The following ECEL1 variants were observed in gnomAD, a reference collection of about 807,000 sequenced individuals.
ECEL1 encodes the protein endothelin-converting enzyme-like 1.
Under a neutral mutation model 101.8 loss-of-function variants are expected in ECEL1, and 87 were observed. That is an observed-to-expected ratio of 0.85 (90% CI 0.72 to 1.02). ECEL1 has a LOEUF of 1.02. Ranked by LOEUF, ECEL1 falls within the 50% of genes least tolerant of loss-of-function variation. The pLI, the probability that ECEL1 is intolerant of heterozygous loss-of-function variation, is 0.00. For missense variants in ECEL1, 1,032 were observed against 1,079.2 expected (o/e 0.96, Z 0.61); for synonymous variants, 487 against 468.7 (o/e 1.04, Z -0.50).
chr2:232,482,781 T>C, intron 10 of ECEL1, 70 bp downstream of exon 10: 1 of 1,580,950 alleles, frequency 6.3e-7, no homozygotes, highest in Non-Finnish European at 8.7e-7. Flanking sequence ...TGTGAGACGA[T>C]TTGCCCTACC....
rs1467200971 is a variant in ECEL1 at position 232,485,949 on chromosome 2, C to T, written c.705G>A (p.Ala235=). 10 of 1,588,470 alleles carry T rather than the reference C, an allele frequency of 6.3e-6. No individual in the cohort carries two copies. Among genetic ancestry groups the T allele is most frequent in the Non-Finnish European group, 8.5e-6 (10 of 1,169,698 alleles). ...RWDLNRLLYK[A]QGVYSAAALF... Reference sequence around the variant, plus strand: ...GCGCGGCGGCGCTGTACACGCCCTGCGCCTTGTACAGCAGCCGGTTGAGGT... The same window carrying T: ...GCGCGGCGGCGCTGTACACGCCCTGTGCCTTGTACAGCAGCCGGTTGAGGT... Residue 235 remains alanine, a synonymous_variant, in exon 2 of 18, where the codon GCG becomes GCA. Coordinates refer to ENST00000304546, the MANE Select transcript of ECEL1 (RefSeq NM_004826.4).
intron 15 of ECEL1, 130 bp from the exon 16 acceptor site, chr2:232,480,943 T>C (rs1690561581): frequency 7.5e-7 from 1 of 1,338,162 alleles, no homozygotes. Context: ...CCTCTTCCAG[T>C]GGACCGTGGC....
chr2:232,483,901 G>T, intron 7 of ECEL1, 100 bp downstream of exon 7: 1 of 1,321,340 alleles, frequency 7.6e-7, no homozygotes, highest in Non-Finnish European at 1.0e-6. Flanking sequence ...CCCCCTGCCT[G>T]CAGGGGACAT....
intron 2 of ECEL1, 83 bp from the exon 3 acceptor site, chr2:232,485,350 G>A (rs1690693650): frequency 6.7e-7 from 1 of 1,482,320 alleles, no homozygotes; most frequent in Admixed American, 1.9e-5. Flanking sequence ...CCAATGCCCA[G>A]AGAGCAACCA....
rs587776919 is a variant in ECEL1, at chr2:232,484,156, G to A, written c.1252C>T (p.Arg418Cys). 24 of 1,613,518 alleles carry A rather than the reference G, an allele frequency of 1.5e-5. No homozygotes were observed. The highest frequency in any genetic ancestry group is 4.4e-5 in the South Asian group (4 of 91,088). Residue 418 changes from arginine to cysteine, a missense_variant, in exon 7 of 18, where the codon CGT (arginine) becomes TGT (cysteine). Transcript: ENST00000304546. ...VLSEHLSPPF[R>C]EALHELAQEM... ...TGTGCCAGCTCGTGCAGTGCCTCAC[G>A]GAATGGCGGGGACAGGTGTTCACTC...
In ECEL1 at chr2:232,486,647, G is replaced by A. The variant is rs762654867; in HGVS notation, c.7C>T (p.Pro3Ser). ME[P>S]PYSLTAHYDE... ...TAGTGCGCCGTCAGCGAATACGGGG[G>A]CTCCATGGCGCCGAGGCCGCCGCGG... Residue 3 changes from proline to serine, a missense_variant, in exon 2 of 18, where the codon CCC becomes TCC. By Grantham distance (74) the Pro-to-Ser change is moderately conservative. Coordinates refer to ENST00000304546, the MANE Select transcript of ECEL1 (RefSeq NM_004826.4). 6 of 1,527,602 alleles carry A rather than the reference G, an allele frequency of 3.9e-6. No homozygotes were observed. Among genetic ancestry groups the A allele is most frequent in the Admixed American group, 3.9e-5 (2 of 51,438 alleles). 94.6% of individuals were successfully genotyped at this position (1,527,602 alleles called of 1,614,324 possible).
In ECEL1 at chr2:232,486,071, G is replaced by A. The variant is rs1310671258; in HGVS notation, c.583C>T (p.Arg195Ter). ...RSCLDMREIE[R>*]LGPRPMLEVI... ...TCTAGCATGGGTCGCGGGCCCAGTC[G>A]CTCGATCTCGCGCATGTCGAGGCAC... Residue 195 changes from arginine to a stop codon, truncating the protein, a stop_gained, in exon 2 of 18, where the codon CGA (arginine) becomes TGA (stop). Transcript: ENST00000304546. LOFTEE classifies it high-confidence loss of function. The A allele has an allele frequency of 6.2e-7, 1 of 1,603,854 alleles. No homozygotes were observed. Among genetic ancestry groups the A allele is most frequent in the East Asian group, 2.2e-5 (1 of 44,518 alleles).
intron 10 of ECEL1, 56 bp from the exon 11 acceptor site, chr2:232,482,664 C>T: frequency 6.4e-7 from 1 of 1,567,920 alleles, no homozygotes; most frequent in Non-Finnish European, 8.7e-7. Context: ...CCGCTACCCT[C>T]ACATCACAGC....
Position 232,486,061 on chromosome 2 carries a change from G to T in ECEL1, c.593C>A (p.Pro198Gln), listed in dbSNP as rs776965084. The change falls in exon 2 of 18, where the codon CCG (proline) becomes CAG (glutamine). Residue 198 changes from proline to glutamine, a missense_variant. Transcript: ENST00000304546. ...CTCGATGACCTCTAGCATGGGTCGCGGGCCCAGTCGCTCGATCTCGCGCAT... is the reference window on the plus strand; with the variant it reads ...CTCGATGACCTCTAGCATGGGTCGCTGGCCCAGTCGCTCGATCTCGCGCAT... ...LDMREIERLG[P>Q]RPMLEVIEDC... 1.9e-6 allele frequency: 3 copies of T among 1,606,212 alleles called. No homozygotes were observed. Among genetic ancestry groups the T allele is most frequent in the Non-Finnish European group, 2.5e-6 (3 of 1,177,522 alleles).
At position 232,480,476 on chromosome 2, in the gene ECEL1, C is replaced by A; in HGVS notation, c.2152-1G>T. On this transcript the variant is annotated splice_acceptor_variant, in intron 16 of 17. Transcript: ENST00000304546. LOFTEE classifies it high-confidence loss of function. ...GCGACCGCCGCTTGATGCACCAGTTCTGGGTCCAGGAGCGGGGTGGAGGGG... is the reference window on the plus strand; with the variant it reads ...GCGACCGCCGCTTGATGCACCAGTTATGGGTCCAGGAGCGGGGTGGAGGGG... The A allele has an allele frequency of 6.2e-7, 1 of 1,613,886 alleles. No individual in the cohort carries two copies. The highest frequency in any genetic ancestry group is 8.5e-7 in the Non-Finnish European group (1 of 1,179,940).
Position 232,481,134 on chromosome 2 carries a change from C to T in ECEL1, c.2012G>A (p.Gly671Glu), listed in dbSNP as rs1170507073. ...GCCGCCCATATCTGCGATGTTCTCCCCAAGCGTGTGTTTCCCGTTCACCTG... is the reference window on the plus strand; with the variant it reads ...GCCGCCCATATCTGCGATGTTCTCCTCAAGCGTGTGTTTCCCGTTCACCTG... ...NQRVNGKHTL[G>E]ENIADMGGLK... Residue 671 changes from glycine to glutamate, a missense_variant, in exon 15 of 18, where the codon GGG becomes GAG. By Grantham distance (98) the Gly-to-Glu change is moderately conservative. Transcript: ENST00000304546. 1.3e-6 allele frequency: 2 copies of T among 1,569,010 alleles called. No homozygotes were observed. Among genetic ancestry groups the T allele is most frequent in the Non-Finnish European group, 1.7e-6 (2 of 1,156,762 alleles).
intron 14 of ECEL1, 57 bp from the exon 15 acceptor site, chr2:232,481,213 G>A (rs1690569944): frequency 6.5e-7 from 1 of 1,537,410 alleles, no homozygotes; most frequent in Admixed American, 2.0e-5. Context: ...CCTCCCTCAG[G>A]CATTGATACC....
rs1690578102 is a variant in ECEL1 at position 232,481,543 on chromosome 2, A to G, written c.1952T>C (p.Val651Ala). Residue 651 changes from valine to alanine, a missense_variant, in exon 14 of 18, where the codon GTC becomes GCC. Transcript: ENST00000304546. ...SRFLRKAECI[V>A]RLYDNFTVYN... is the part of the protein sequence containing the mutation. ...GACAGTGAAGTTGTCATAGAGACGG[A>G]CGATGCACTCAGCCTTTCGCAGGAA... 2 of 1,613,510 alleles carry G rather than the reference A, an allele frequency of 1.2e-6. No individual in the cohort carries two copies. The highest frequency in any genetic ancestry group is 1.3e-5 in the African/African-American group (1 of 74,934).
At position 232,481,501 on chromosome 2, in the gene ECEL1, C is replaced by T. The variant is rs1379305088; in HGVS notation, c.1989+5G>A. 1 of 1,604,414 alleles carries T rather than the reference C, an allele frequency of 6.2e-7. No individual in the cohort carries two copies. The highest frequency in any genetic ancestry group is 2.3e-5 in the East Asian group (1 of 44,340). On this transcript the variant is annotated splice_donor_5th_base_variant and intron_variant, in intron 14 of 17. Transcript: ENST00000304546. ...AGGGGCACAAGGGGCAGGTGGGGGT[C>T]TCACCCGCTGGTTGTAGACAGTGAA...
At position 232,487,193 on chromosome 2, in the gene ECEL1, G is replaced by A. The variant is rs919543668; in HGVS notation, c.-101-439C>T. On this transcript the variant is annotated intron_variant, in intron 1 of 17. Coordinates refer to ENST00000304546, the MANE Select transcript of ECEL1 (RefSeq NM_004826.4). ...CTTTCAGCTCTCCGCGCTGGACCCA[G>A]ACAGACGCTCCGCAAAGCGGCCAAA... Among the ~76,000 whole-genome samples, 6 of 152,218 alleles carry A rather than the reference G, an allele frequency of 3.9e-5. 1 individual carries two copies. Among genetic ancestry groups the A allele is most frequent in the Non-Finnish European group, 7.3e-5 (5 of 68,038 alleles).
intron 7 of ECEL1, among the ~76,000 whole-genome samples, chr2:232,483,742 G>A (rs1259478790): frequency 3.3e-5 from 5 of 152,210 alleles, no homozygotes; most frequent in Admixed American, 6.5e-5. Flanking sequence ...CTAAGGCCAC[G>A]CCTCCCGAGC....
At position 232,486,577 on chromosome 2, in the gene ECEL1, C is replaced by T. The variant is rs755213795; in HGVS notation, c.77G>A (p.Gly26Glu). ...EVKYVSRCGA[G>E]GARGASLPPG... ...GGGCAGGGAGGCCCCGCGCGCGCCC[C>T]CCGCGCCGCAGCGGCTCACGTACTT... is the stretch of plus-strand genomic sequence containing the variant. Residue 26 changes from glycine to glutamate, a missense_variant, in exon 2 of 18, where the codon GGG (glycine) becomes GAG (glutamate). Transcript: ENST00000304546. The T allele has an allele frequency of 4.3e-6, 6 of 1,396,430 alleles. No individual in the cohort carries two copies. The highest frequency in any genetic ancestry group is 5.6e-6 in the Non-Finnish European group (6 of 1,077,158). 86.5% of individuals were successfully genotyped at this position (1,396,430 alleles called of 1,614,324 possible). A position where few individuals can be genotyped will look rare whatever the true frequency, so the allele number is the denominator to read the frequency against.
chr2:232,482,515 C>A (rs770070588), intron 11 of ECEL1, 35 bp downstream of exon 11: 2 of 1,613,914 alleles, frequency 1.2e-6, no homozygotes, highest in African/African-American at 2.7e-5. Context: ...ACTTTCGGAC[C>A]CTGCCCCGCC....
rs1388922805 is a variant in ECEL1 at position 232,482,910 on chromosome 2, G to A, written c.1626C>T (p.Ser542=). Residue 542 remains serine, a synonymous_variant, in exon 10 of 18, where the codon AGC becomes AGT. Coordinates refer to ENST00000304546, the MANE Select transcript of ECEL1 (RefSeq NM_004826.4). ...CTGAGAGCTGGATGCTGAAGCGGAT[G>A]CTGTTCAAGATGTTCTTGAAGTAGG... is the stretch of plus-strand genomic sequence containing the variant. ...EKTYFKNILN[S]IRFSIQLSVK... is the part of the protein sequence containing the mutation. 1 of 1,614,186 alleles carries A rather than the reference G, an allele frequency of 6.2e-7. No individual in the cohort carries two copies. The highest frequency in any genetic ancestry group is 1.7e-5 in the Admixed American group (1 of 60,038).
Sources: allele counts gnomAD v4.1 joint callset (sites outside exome capture counted in the v4.1 genomes callset), GRCh38; gene constraint gnomAD v4.1.1; transcripts MANE v1.5; gene names NCBI Gene and HGNC (gene_info 2026-07-23, HGNC 2026-07-21).